Variants in IL7 observed in about 807,000 individuals in gnomAD.
IL7 encodes interleukin 7, also known as interleukin-7.
IL7 carries 3 observed loss-of-function variants against 21.6 expected under a neutral mutation model. That is an observed-to-expected ratio of 0.14 (90% confidence interval 0.06 to 0.36). The LOEUF is 0.36. Ranked by LOEUF, IL7 falls within the 10% of genes least tolerant of loss-of-function variation. IL7 has a pLI of 1.00. For synonymous variants in IL7, 62 were observed against 68.1 expected, an observed-to-expected ratio of 0.91 and a Z score of 0.44; for missense variants, 175 against 200.2, an observed-to-expected ratio of 0.87 and a Z score of 0.76.
chr8:78,726,053 C>G (rs2130642463), intron 3 of IL7, among the ~76,000 whole-genome samples: 1 of 151,512 alleles, frequency 6.6e-6, no homozygotes, highest in Non-Finnish European at 1.5e-5. Flanking sequence ...TAAATTCTGA[C>G]AATGCTATGG....
chr8:78,715,125 G>T, downstream of IL7: 2 of 1,046,324 alleles, frequency 1.9e-6, no homozygotes, highest in Admixed American at 2.8e-5. Flanking sequence ...CTTCTCTGAA[G>T]CTTCTAAGTA....
chr8:78,693,525 G>C (rs1420589913), intron 3 of IL7, among the ~76,000 whole-genome samples: 2 of 152,108 alleles, frequency 1.3e-5, no homozygotes, highest in Non-Finnish European at 2.9e-5. Flanking sequence ...CCGCATAAAT[G>C]TCTTCTTTTG....
chr8:78,722,988 CTG>C (rs1175059737), intron 3 of IL7, among the ~76,000 whole-genome samples: 2 of 150,856 alleles, frequency 1.3e-5, no homozygotes, highest in South Asian at 2.1e-4. Context: ...CACAAAAAAA[CTG>C]TAAAAATAAT....
At chr8:78,753,273 T>A (rs951670836) in intron 2 of IL7, among the ~76,000 whole-genome samples, 2 of 152,222 alleles carry the variant, frequency 1.3e-5, no homozygotes, top group African/African-American at 2.4e-5. Context: ...ATGATCGCCA[T>A]TCTAACTGGT....
At chr8:78,687,512 A>C (rs1384645136) in intron 3 of IL7, among the ~76,000 whole-genome samples, 1 of 142,580 alleles carries the variant, frequency 7.0e-6, no homozygotes, top group Non-Finnish European at 1.5e-5. Context: ...TAAATTATAT[A>C]TATTTATATA....
chr8:78,746,472 A>T (rs1023250255), intron 2 of IL7, among the ~76,000 whole-genome samples: 2 of 152,238 alleles, frequency 1.3e-5, no homozygotes, highest in Non-Finnish European at 2.9e-5. Flanking sequence ...TCAATGTAAG[A>T]GAAAGCAAGG....
chr8:78,779,013 T>C (rs1198318448), intron 2 of IL7, among the ~76,000 whole-genome samples: 1 of 152,180 alleles, frequency 6.6e-6, no homozygotes, highest in Non-Finnish European at 1.5e-5. Flanking sequence ...CAATTGTAAA[T>C]GGGAGTTCAT....
chr8:78,698,165 T>G (rs1462800580), intron 3 of IL7, among the ~76,000 whole-genome samples: 1 of 152,168 alleles, frequency 6.6e-6, no homozygotes, highest in Non-Finnish European at 1.5e-5. Context: ...CACTTAATAG[T>G]TAGAAGAAGA....
At chr8:78,726,311 G>A (rs1586044779) in intron 3 of IL7, among the ~76,000 whole-genome samples, 1 of 152,008 alleles carries the variant, frequency 6.6e-6, no homozygotes, top group South Asian at 2.1e-4. Flanking sequence ...ATGTACAAGA[G>A]AGGAAAGAGT....
intron 2 of IL7, chr8:78,760,085 C>A (rs1464126958): frequency 4.1e-6 from 6 of 1,463,342 alleles, no homozygotes; most frequent in African/African-American, 2.9e-5. Context: ...CCTACATACA[C>A]CTTACGGCTT....
At chr8:78,785,756 A>G (rs1439711602) in intron 2 of IL7, among the ~76,000 whole-genome samples, 1 of 152,144 alleles carries the variant, frequency 6.6e-6, no homozygotes, top group Non-Finnish European at 1.5e-5. Context: ...TTTAAAGTGG[A>G]CCACTCTGTG....
intron 1 of IL7, among the ~76,000 whole-genome samples, chr8:78,798,652 T>A (rs576472440): frequency 1.3e-5 from 2 of 152,108 alleles, no homozygotes; most frequent in Non-Finnish European, 2.9e-5. Flanking sequence ...TCCATGTCTA[T>A]TTGCTTCTTG....
downstream of IL7, among the ~76,000 whole-genome samples, chr8:78,716,545 C>T (rs773721918): frequency 1.3e-5 from 2 of 152,128 alleles, no homozygotes; most frequent in Non-Finnish European, 2.9e-5. Context: ...ATACTAGAAG[C>T]ATCACCTCAC....
At chr8:78,698,301 C>T (rs887854325) in intron 3 of IL7, 2 of 841,676 alleles carry the variant, frequency 2.4e-6, no homozygotes, top group Non-Finnish European at 3.5e-6. Flanking sequence ...TCAATGAAAA[C>T]TTGATTTATA....
At chr8:78,768,646 A>G (rs1177918285) in intron 2 of IL7, among the ~76,000 whole-genome samples, 1 of 151,258 alleles carries the variant, frequency 6.6e-6, no homozygotes, top group Non-Finnish European at 1.5e-5. Flanking sequence ...AATTTGTTTG[A>G]GTTCATTGTA....
At position 78,710,250 on chromosome 8, in the gene IL7, T is replaced by G. The variant is rs139523485; in HGVS notation, n.214+11098A>C. Among the ~76,000 whole-genome samples, 582 of 152,262 alleles carry G rather than the reference T, an allele frequency of 3.8e-3. 4 individuals are homozygous for G. Among genetic ancestry groups the G allele is most frequent in the Middle Eastern group, 0.021 (6 of 292 alleles). On this transcript the variant is annotated intron_variant and non_coding_transcript_variant, in intron 3 of 4. Transcript: ENST00000523959. ...ATTATAGCCTAAAAATAGCATTCAT[T>G]AACTTTTAGCCTAAGTAACATTTGA... is the stretch of plus-strand genomic sequence containing the variant.
In IL7 at chr8:78,798,100, A is replaced by G; in HGVS notation, c.119T>C (p.Val40Ala). ...TAATTGATCGATGCTGACCATTAGAACACTCTCATATTGTTTGCCATCTTT... is the reference window on the plus strand; with the variant it reads ...TAATTGATCGATGCTGACCATTAGAGCACTCTCATATTGTTTGCCATCTTT... The part of the protein sequence containing the change: ...EGKDGKQYES[V>A]LMVSIDQLLD... Residue 40 changes from valine to alanine, a missense_variant, in exon 2 of 6, where the codon GTT becomes GCT. By Grantham distance (64) the Val-to-Ala change is moderately conservative. Transcript: ENST00000263851. The G allele has an allele frequency of 6.2e-7, 1 of 1,611,794 alleles. No individual in the cohort carries two copies. The highest frequency in any genetic ancestry group is 8.5e-7 in the Non-Finnish European group (1 of 1,178,468).
chr8:78,683,456 G>T (rs1438289033), intron 4 of IL7, among the ~76,000 whole-genome samples: 1 of 152,212 alleles, frequency 6.6e-6, no homozygotes, highest in African/African-American at 2.4e-5. Context: ...TTGCACCTCT[G>T]AAGCCATGGC....
chr8:78,736,960 G>C (rs372340534), intron 4 of IL7, among the ~76,000 whole-genome samples: 1 of 152,070 alleles, frequency 6.6e-6, no homozygotes, highest in Admixed American at 6.6e-5. Context: ...AGCTTGTAGC[G>C]TGCCTGGCTC....
Sources: allele counts gnomAD v4.1 joint callset (sites outside exome capture counted in the v4.1 genomes callset), GRCh38; gene constraint gnomAD v4.1.1; transcripts MANE v1.5; gene names NCBI Gene and HGNC (gene_info 2026-07-23, HGNC 2026-07-21).